PPP2R3A: variants seen among roughly 807,000 people sequenced by gnomAD.
PPP2R3A encodes the protein protein phosphatase 2 regulatory subunit B''alpha.
PPP2R3A carries 80 observed loss-of-function variants against 106.9 expected under a neutral mutation model. That is an observed-to-expected ratio of 0.75 (90% CI 0.62 to 0.90). PPP2R3A has a LOEUF of 0.90. Ranked by LOEUF, PPP2R3A falls within the 40% of genes least tolerant of loss-of-function variation. PPP2R3A has a pLI of 0.00. For missense variants in PPP2R3A, 1,386 were observed against 1,350.4 expected (o/e 1.03, Z -0.41); for synonymous variants, 483 against 468.3 (o/e 1.03, Z -0.41).
At chr3:136,088,211 A>C (rs1937006514) in intron 9 of PPP2R3A, among the ~76,000 whole-genome samples, 1 of 152,180 alleles carries the variant, frequency 6.6e-6, no homozygotes, top group South Asian at 2.1e-4. Flanking sequence ...CAGTGAGCAC[A>C]ACACCCAACA....
intron 10 of PPP2R3A, among the ~76,000 whole-genome samples, chr3:136,098,961 G>A (rs775704614): frequency 3.3e-5 from 5 of 152,150 alleles, no homozygotes; most frequent in African/African-American, 4.8e-5. Flanking sequence ...GAGGGTCTCC[G>A]GACTGGGGAG....
chr3:136,109,675 TA>T (rs1937565944), intron 13 of PPP2R3A, among the ~76,000 whole-genome samples: 1 of 152,084 alleles, frequency 6.6e-6, no homozygotes. Context: ...TATAGTAATA[TA>T]GACCAGCATT....
At chr3:136,103,131 T>G in intron 11 of PPP2R3A, 127 bp from the exon 12 acceptor site, 1 of 515,808 alleles carries the variant, frequency 1.9e-6, no homozygotes, top group Non-Finnish European at 3.4e-6. Context: ...GATTTAAATT[T>G]TTTTATTCTG....
intron 8 of PPP2R3A, among the ~76,000 whole-genome samples, chr3:136,085,567 A>G (rs374111162): frequency 2.9e-4 from 44 of 152,126 alleles, no homozygotes; most frequent in African/African-American, 1.0e-3. Flanking sequence ...GGCATGATCC[A>G]CCACACCTGG....
intron 5 of PPP2R3A, chr3:136,055,722 A>G: frequency 1.4e-6 from 1 of 723,640 alleles, no homozygotes; most frequent in Non-Finnish European, 2.4e-6. Flanking sequence ...TTAGAGAAAT[A>G]CCACTACTTG....
At chr3:136,061,181 A>C (rs1042839410) in intron 5 of PPP2R3A, among the ~76,000 whole-genome samples, 1 of 152,232 alleles carries the variant, frequency 6.6e-6, no homozygotes, top group Non-Finnish European at 1.5e-5. Flanking sequence ...AGAGAGAGAA[A>C]AAGAAGATGG....
At position 136,003,218 on chromosome 3, in the gene PPP2R3A, AG is replaced by A; in HGVS notation, c.1722del (p.Ile575LeufsTer9). 1 of 1,613,982 alleles carries A rather than the reference AG, an allele frequency of 6.2e-7. No homozygotes were observed. ...AAAAGTCTCACCTTCCTGTCTAACA[AG>A]GATTATTGAAACCAATGGACACAAA... ...IEKVSPSCLT[R>X]IIETNGHKIE... On this transcript the variant is annotated frameshift_variant, in exon 2 of 14. Transcript: ENST00000264977. LOFTEE classifies it high-confidence loss of function.
At chr3:136,034,621 G>A (rs1935023053) in intron 3 of PPP2R3A, among the ~76,000 whole-genome samples, 1 of 152,132 alleles carries the variant, frequency 6.6e-6, no homozygotes, top group South Asian at 2.1e-4. Flanking sequence ...TAAATGTATT[G>A]AGGCTCGTTT....
chr3:136,045,598 T>A (rs949978999), intron 4 of PPP2R3A, among the ~76,000 whole-genome samples: 19 of 152,066 alleles, frequency 1.2e-4, no homozygotes, highest in Non-Finnish European at 2.9e-5. Flanking sequence ...AGGAGACCTG[T>A]CAAGGAAGCA....
rs1437052504 is a variant in PPP2R3A at position 136,027,100 on chromosome 3, T to A, written c.2262+2T>A. The A allele has an allele frequency of 6.2e-7, 1 of 1,609,158 alleles. No individual in the cohort carries two copies. The highest frequency in any genetic ancestry group is 8.5e-7 in the Non-Finnish European group (1 of 1,177,454). ...TATGAAATGGGGAAAATTGCAAAGG[T>A]AATGTAACTACTAAATGATTTACAA... On this transcript the variant is annotated splice_donor_variant, in intron 3 of 13. Transcript: ENST00000264977. LOFTEE classifies it high-confidence loss of function.
chr3:136,138,695 A>ATTTTTTTTTTTTTTTTTT lies in PPP2R3A; in HGVS notation c.3330-6330_3330-6313dup, dbSNP rs747811648. ...AGACTCCAAACTAGAGAAATATTGA[A>ATTTTTTTTTTTTTTTTTT]TTTTTTTTTTTTTTTTTTTTTTTTT... On this transcript the variant is annotated intron_variant, in intron 13 of 13. Coordinates refer to ENST00000264977, the MANE Select transcript of PPP2R3A (RefSeq NM_002718.5). Among the ~76,000 whole-genome samples the ATTTTTTTTTTTTTTTTTT allele has an allele frequency of 1.8e-4, 9 of 50,638 alleles. 1 individual carries two copies. The highest frequency in any genetic ancestry group is 2.2e-4 in the Non-Finnish European group (7 of 31,698). 33.2% of individuals were successfully genotyped at this position (50,638 alleles called of 152,430 possible).
chr3:136,136,633 CAA>C (rs981342890), intron 13 of PPP2R3A, among the ~76,000 whole-genome samples: 1 of 152,154 alleles, frequency 6.6e-6, no homozygotes, highest in Admixed American at 6.5e-5. Context: ...CAGCACCTGG[CAA>C]ACTGTTACGT....
At chr3:135,982,901 A>G (rs1288787409) in intron 1 of PPP2R3A, among the ~76,000 whole-genome samples, 1 of 152,176 alleles carries the variant, frequency 6.6e-6, no homozygotes, top group Non-Finnish European at 1.5e-5. Context: ...GATTTTGCTT[A>G]GTTAGGTGGT....
intron 13 of PPP2R3A, among the ~76,000 whole-genome samples, chr3:136,113,215 C>T (rs1440464222): frequency 1.3e-5 from 2 of 151,660 alleles, no homozygotes; most frequent in South Asian, 4.2e-4. Context: ...CCAATTCAAA[C>T]TATACTACAA....
intron 10 of PPP2R3A, among the ~76,000 whole-genome samples, chr3:136,101,447 G>A (rs886589797): frequency 1.3e-5 from 2 of 151,848 alleles, no homozygotes; most frequent in African/African-American, 2.4e-5. Flanking sequence ...ATCTTGAGGC[G>A]GGAGTCTCGT....
At chr3:136,129,194 C>CA (rs375578671) in intron 13 of PPP2R3A, among the ~76,000 whole-genome samples, 33,883 of 138,806 alleles carry the variant, frequency 0.24, 4,931 homozygotes, top group Non-Finnish European at 0.35. Flanking sequence ...GAGATAGAGA[C>CA]AAAAAAAAAA....
intron 3 of PPP2R3A, among the ~76,000 whole-genome samples, chr3:136,031,842 T>C (rs552339811): frequency 1.3e-5 from 2 of 152,336 alleles, no homozygotes; most frequent in South Asian, 4.1e-4. Context: ...CTGTGTTCTC[T>C]ATTCTGTTCC....
intron 13 of PPP2R3A, among the ~76,000 whole-genome samples, chr3:136,133,189 C>T (rs1339169641): frequency 1.3e-5 from 2 of 152,020 alleles, no homozygotes; most frequent in African/African-American, 2.4e-5. Flanking sequence ...AAAACGATTG[C>T]TCTTCAGAAG....
intron 3 of PPP2R3A, among the ~76,000 whole-genome samples, chr3:136,037,293 G>C (rs1935118190): frequency 6.6e-6 from 1 of 152,180 alleles, no homozygotes; most frequent in Non-Finnish European, 1.5e-5. Flanking sequence ...TAAATTCTCA[G>C]TGTGTAGTTT....
Sources: gnomAD v4.1 joint callset for allele counts (sites outside exome capture counted in the v4.1 genomes callset) on GRCh38, gnomAD v4.1.1 for gene constraint, MANE v1.5 for transcripts, NCBI Gene and HGNC (gene_info 2026-07-23, HGNC 2026-07-21) for gene names.